The following PDE4D variants were observed in gnomAD, a reference collection of about 807,000 sequenced individuals.
PDE4D encodes the protein 3',5'-cyclic-AMP phosphodiesterase 4D.
In PDE4D, 24 loss-of-function variants were observed where a neutral mutation model predicts 87.4. That is an observed-to-expected ratio of 0.27 (90% CI 0.20 to 0.39). PDE4D has a LOEUF of 0.39. Ranked by LOEUF, PDE4D falls within the 10% of genes least tolerant of loss-of-function variation. The pLI is 1.00. For synonymous variants in PDE4D, 384 were observed against 383.2 expected, an observed-to-expected ratio of 1.00 and a Z score of -0.02; for missense variants, 714 against 1,041.0, an observed-to-expected ratio of 0.69 and a Z score of 4.32.
chr5:59,026,053 C>T (rs1756177726), intron 6 of PDE4D, among the ~76,000 whole-genome samples: 1 of 152,260 alleles, frequency 6.6e-6, no homozygotes, highest in Non-Finnish European at 1.5e-5. Context: ...CCAACAAACA[C>T]ATCCTTTCTT....
At chr5:60,152,914 C>A (rs573353804) in intron 2 of PDE4D, among the ~76,000 whole-genome samples, 8 of 152,290 alleles carry the variant, frequency 5.3e-5, no homozygotes, top group African/African-American at 1.9e-4. Flanking sequence ...ATTGTACCAT[C>A]TCTTTCATTT....
intron 3 of PDE4D, among the ~76,000 whole-genome samples, chr5:59,911,969 AC>A (rs1753491847): frequency 6.6e-6 from 1 of 152,146 alleles, no homozygotes; most frequent in Admixed American, 6.6e-5. Flanking sequence ...TATAAGACTC[AC>A]AGTTTTGTTA....
rs566387688 is a variant in PDE4D at position 59,615,082 on chromosome 5, G to A, written c.455+278086C>T. Among the ~76,000 whole-genome samples, 50 of 152,182 alleles carry A rather than the reference G, an allele frequency of 3.3e-4. No homozygotes were observed. In the East Asian group the frequency reaches 3.3e-3, roughly 10 times the overall value. On this transcript the variant is annotated intron_variant, in intron 1 of 14. Coordinates refer to ENST00000340635, the MANE Select transcript of PDE4D (RefSeq NM_001104631.2). The stretch of plus-strand genomic sequence containing the variant: ...TGAGCTCAAGCGATCTGCAGGCCTC[G>A]ACCTCCCAAACTGCTGGGATTACAG...
intron 1 of PDE4D, among the ~76,000 whole-genome samples, chr5:60,234,018 G>A (rs544713378): frequency 4.6e-5 from 7 of 151,744 alleles, no homozygotes; most frequent in East Asian, 1.9e-4. Flanking sequence ...CAATTCAGTC[G>A]TTTCTACAAT....
At chr5:60,520,738 C>G (rs1173174129) in intron 1 of PDE4D, among the ~76,000 whole-genome samples, 1 of 152,230 alleles carries the variant, frequency 6.6e-6, no homozygotes, top group Non-Finnish European at 1.5e-5. Flanking sequence ...AGGAAGACAC[C>G]TGCTGGCCCA....
At chr5:60,141,830 C>T (rs929161609) in intron 2 of PDE4D, among the ~76,000 whole-genome samples, 1 of 152,284 alleles carries the variant, frequency 6.6e-6, no homozygotes, top group Non-Finnish European at 1.5e-5. Flanking sequence ...GAATCCTTAA[C>T]TGATGCTTAG....
At chr5:59,017,709 T>C (rs1462048945) in intron 6 of PDE4D, among the ~76,000 whole-genome samples, 1 of 152,200 alleles carries the variant, frequency 6.6e-6, no homozygotes, top group East Asian at 1.9e-4. Context: ...TATGAAAGCC[T>C]AAGAAACTTC....
chr5:59,152,312 A>G (rs563451911), intron 5 of PDE4D, among the ~76,000 whole-genome samples: 1 of 151,038 alleles, frequency 6.6e-6, no homozygotes, highest in Non-Finnish European at 1.5e-5. Flanking sequence ...AGTAGGAAAG[A>G]GAGATGTTCA....
At chr5:59,793,234 C>A (rs937926829) in intron 1 of PDE4D, among the ~76,000 whole-genome samples, 1 of 152,142 alleles carries the variant, frequency 6.6e-6, no homozygotes, top group Non-Finnish European at 1.5e-5. Flanking sequence ...GCTGTGAATA[C>A]CACAAACTTT....
intron 1 of PDE4D, among the ~76,000 whole-genome samples, chr5:59,256,657 G>C (rs1320049418): frequency 6.6e-6 from 1 of 151,944 alleles, no homozygotes; most frequent in Admixed American, 6.6e-5. Flanking sequence ...GCTATGTTTG[G>C]ATGCATTCCT....
chr5:59,555,594 T>C (rs948484159), intron 1 of PDE4D, among the ~76,000 whole-genome samples: 2 of 152,154 alleles, frequency 1.3e-5, no homozygotes, highest in African/African-American at 4.8e-5. Flanking sequence ...TTCCTGGCAA[T>C]AAGTATAACT....
chr5:60,047,394 T>A (rs1409475314), intron 2 of PDE4D, among the ~76,000 whole-genome samples: 6 of 152,206 alleles, frequency 3.9e-5, no homozygotes, highest in Non-Finnish European at 2.9e-5. Flanking sequence ...TTTAGTTATT[T>A]CTTGCCTTCT....
intron 1 of PDE4D, among the ~76,000 whole-genome samples, chr5:59,507,657 C>T (rs1189822689): frequency 2.5e-5 from 2 of 80,314 alleles, no homozygotes; most frequent in African/African-American, 1.8e-4. Context: ...AGAGCAATAC[C>T]CTGTCTCAAA....
intron 1 of PDE4D, among the ~76,000 whole-genome samples, chr5:60,227,316 A>G (rs1459228939): frequency 6.6e-6 from 1 of 152,058 alleles, no homozygotes; most frequent in Non-Finnish European, 1.5e-5. Context: ...TGCATAAAAT[A>G]TAAAGATTAG....
At chr5:59,586,491 C>G in intron 1 of PDE4D, 3 of 1,120,862 alleles carry the variant, frequency 2.7e-6, no homozygotes, top group Non-Finnish European at 3.3e-6. Context: ...ATTATTGCAA[C>G]AAGTATTGAA....
intron 1 of PDE4D, among the ~76,000 whole-genome samples, chr5:59,848,654 G>A (rs1056878233): frequency 6.6e-6 from 1 of 151,994 alleles, no homozygotes; most frequent in African/African-American, 2.4e-5. Flanking sequence ...TTAAGAGTGA[G>A]TAAAGCACAT....
intron 3 of PDE4D, among the ~76,000 whole-genome samples, chr5:59,978,939 T>C: frequency 6.6e-6 from 1 of 152,168 alleles, no homozygotes; most frequent in East Asian, 1.9e-4. Context: ...AATTAAGTAT[T>C]TCTTACTTAA....
At chr5:59,781,784 CAAAAAAAAAAAAA>C (rs58613622) in intron 1 of PDE4D, among the ~76,000 whole-genome samples, 23 of 39,858 alleles carry the variant, frequency 5.8e-4, no homozygotes, top group Admixed American at 1.8e-3. Context: ...CACTCCATCT[CAAAAAAAAAAAAA>C]AAAAAAAAAA....
At chr5:59,199,729 A>G (rs1436171472) in intron 2 of PDE4D, among the ~76,000 whole-genome samples, 1 of 152,048 alleles carries the variant, frequency 6.6e-6, no homozygotes, top group Non-Finnish European at 1.5e-5. Context: ...AGGATTAGCT[A>G]TAGGAGGACC....
Sources: allele counts gnomAD v4.1 joint callset (sites outside exome capture counted in the v4.1 genomes callset), GRCh38; gene constraint gnomAD v4.1.1; transcripts MANE v1.5; gene names NCBI Gene and HGNC (gene_info 2026-07-23, HGNC 2026-07-21).